The following PLD3 variants were observed in gnomAD, a reference collection of about 807,000 sequenced individuals.
The protein encoded by PLD3 is phospholipase D family member 3, also known as 5'-3' exonuclease PLD3.
PLD3 carries 31 observed loss-of-function variants against 58.4 expected under a neutral mutation model. That is an observed-to-expected ratio of 0.53 (90% CI 0.40 to 0.72). The LOEUF (loss-of-function observed/expected upper bound fraction) is 0.72. PLD3 is among the 30% of genes least tolerant of loss of function. PLD3 has a pLI of 0.00. For synonymous variants in PLD3, 264 were observed against 273.4 expected (o/e 0.97, Z 0.34); for missense variants, 595 against 659.8 (o/e 0.90, Z 1.08).
intron 5 of PLD3, 51 bp downstream of exon 5, chr19:40,366,966 A>G: frequency 6.5e-7 from 1 of 1,536,916 alleles, no homozygotes; most frequent in Non-Finnish European, 8.8e-7. Flanking sequence ...CAGACCAGGT[A>G]CACTTAAGCA....
At chr19:40,354,783 C>T (rs960524729) in intron 1 of PLD3, among the ~76,000 whole-genome samples, 1 of 151,558 alleles carries the variant, frequency 6.6e-6, no homozygotes, top group Non-Finnish European at 1.5e-5. Context: ...GCCTCAGCCT[C>T]CCAAAGTGCT....
intron 11 of PLD3, 49 bp downstream of exon 11, chr19:40,376,823 A>AG (rs1270312866): frequency 2.0e-6 from 3 of 1,538,042 alleles, no homozygotes; most frequent in Non-Finnish European, 2.6e-6. Context: ...GGGCAGTCCT[A>AG]GGGACACAGC....
Position 40,377,990 on chromosome 19 carries a change from C to G in PLD3, c.1290C>G (p.Thr430=), listed in dbSNP as rs199717679. The G allele has an allele frequency of 6.2e-7, 1 of 1,612,646 alleles. No individual in the cohort carries two copies. Among genetic ancestry groups the G allele is most frequent in the African/African-American group, 1.3e-5 (1 of 75,026 alleles). ...MVTERATYIG[T]SNWSGNYFTE... Reference sequence around the variant, plus strand: ...GCTCCACCCATTCCTCTCTAGGAACCTCCAACTGGTCTGGCAACTACTTCA... The same window carrying G: ...GCTCCACCCATTCCTCTCTAGGAACGTCCAACTGGTCTGGCAACTACTTCA... The change falls in exon 13 of 13, where the codon ACC becomes ACG. Residue 430 remains threonine (T), a synonymous_variant. Transcript: ENST00000409735.
chr19:40,371,478 G>A, intron 8 of PLD3, 195 bp from the exon 9 acceptor site: 1 of 587,060 alleles, frequency 1.7e-6, no homozygotes, highest in Non-Finnish European at 3.0e-6. Flanking sequence ...CAAACGTTCA[G>A]GAAACCTGGA....
rs1376057275 is a variant in PLD3 at position 40,376,645 on chromosome 19, C to T, written c.1056C>T (p.Ala352=). ...WPAIDDGLRR[A]TYERGVKVRL... Reference sequence around the variant, plus strand: ...CCATTGACGATGGGCTGCGGCGGGCCACCTACGAGCGTGGCGTCAAGGTGC... The same window carrying T: ...CCATTGACGATGGGCTGCGGCGGGCTACCTACGAGCGTGGCGTCAAGGTGC... The change falls in exon 11 of 13, where the codon GCC becomes GCT. Residue 352 remains alanine, a synonymous_variant. Coordinates refer to ENST00000409735, the MANE Select transcript of PLD3 (RefSeq NM_012268.4). 1.2e-6 allele frequency: 2 copies of T among 1,608,108 alleles called. No individual in the cohort carries two copies. Among genetic ancestry groups the T allele is most frequent in the East Asian group, 4.5e-5 (2 of 44,880 alleles).
intron 1 of PLD3, among the ~76,000 whole-genome samples, chr19:40,363,127 C>G (rs1056370755): frequency 2.0e-5 from 3 of 152,276 alleles, no homozygotes; most frequent in African/African-American, 7.2e-5. Flanking sequence ...GCTGCCAGCC[C>G]TGTTACTTCA....
chr19:40,351,262 G>A (rs1202639703), intron 1 of PLD3, among the ~76,000 whole-genome samples: 3 of 151,786 alleles, frequency 2.0e-5, no homozygotes, highest in South Asian at 2.1e-4. Flanking sequence ...ACAAAAAAAC[G>A]GCCAGGCGTA....
intron 9 of PLD3, among the ~76,000 whole-genome samples, chr19:40,374,103 T>G (rs1171502083): frequency 6.6e-6 from 1 of 150,914 alleles, no homozygotes; most frequent in Non-Finnish European, 1.5e-5. Flanking sequence ...ACCCCAGCAC[T>G]CTGATTCAGT....
intron 10 of PLD3, among the ~76,000 whole-genome samples, chr19:40,375,970 T>C (rs895072617): frequency 3.3e-5 from 5 of 152,056 alleles, no homozygotes; most frequent in African/African-American, 9.7e-5. Context: ...GGAGGATCAC[T>C]TGAGCCCAGG....
chr19:40,354,966 G>C (rs538030251), intron 1 of PLD3, among the ~76,000 whole-genome samples: 1 of 151,300 alleles, frequency 6.6e-6, no homozygotes, highest in Non-Finnish European at 1.5e-5. Flanking sequence ...GCCCCCTCAA[G>C]TAGCTGGGAC....
At chr19:40,353,825 G>A (rs1337824650) in intron 1 of PLD3, among the ~76,000 whole-genome samples, 3 of 151,938 alleles carry the variant, frequency 2.0e-5, no homozygotes, top group East Asian at 1.9e-4. Flanking sequence ...TGATCCGCCC[G>A]CCTTGGCCTC....
At chr19:40,353,927 C>T (rs1459752080) in intron 1 of PLD3, among the ~76,000 whole-genome samples, 1 of 151,918 alleles carries the variant, frequency 6.6e-6, no homozygotes, top group Non-Finnish European at 1.5e-5. Flanking sequence ...CAGGGTCTTG[C>T]TCTCTCACCC....
chr19:40,373,467 C>T (rs1248548451), intron 9 of PLD3, among the ~76,000 whole-genome samples: 2 of 151,686 alleles, frequency 1.3e-5, no homozygotes, highest in African/African-American at 2.4e-5. Context: ...ATCCCAGCTA[C>T]TCGGGAGGCT....
intron 1 of PLD3, chr19:40,356,212 G>A (rs970632809): frequency 2.0e-5 from 3 of 152,322 alleles, no homozygotes; most frequent in Admixed American, 6.6e-5. Context: ...TGGCTGGGGT[G>A]GGAAGAACGG....
chr19:40,374,833 T>A, intron 10 of PLD3: 1 of 576,002 alleles, frequency 1.7e-6, no homozygotes, highest in Non-Finnish European at 3.1e-6. Context: ...AGGGATGAGG[T>A]TTCAGGACAA....
At chr19:40,350,813 A>C (rs2078494672) in intron 1 of PLD3, among the ~76,000 whole-genome samples, 1 of 151,902 alleles carries the variant, frequency 6.6e-6, no homozygotes, top group Non-Finnish European at 1.5e-5. Context: ...GGCAATGGGT[A>C]AATAGGTAAG....
intron 11 of PLD3, among the ~76,000 whole-genome samples, 154 bp downstream of exon 11, chr19:40,376,928 AG>A (rs952782194): frequency 6.6e-5 from 10 of 151,454 alleles, no homozygotes; most frequent in African/African-American, 2.4e-4. Flanking sequence ...CATGGGGCAC[AG>A]GGAGAGGGGC....
chr19:40,361,940 A>C (rs1242880850), intron 1 of PLD3, among the ~76,000 whole-genome samples: 2 of 151,902 alleles, frequency 1.3e-5, no homozygotes, highest in Non-Finnish European at 2.9e-5. Context: ...TGGTTCAAGC[A>C]ATTCGCCCAC....
Position 40,364,563 on chromosome 19 carries a change from G to A in PLD3, c.-278-1155G>A, listed in dbSNP as rs777988822. On this transcript the variant is annotated intron_variant, in intron 1 of 12. Transcript: ENST00000409735. Reference sequence around the variant, plus strand: ...TCCCAGCACTTTTGGGGGCCTAGACGGGCGGATCACGAGGTCAGGAGATCG... The same window carrying A: ...TCCCAGCACTTTTGGGGGCCTAGACAGGCGGATCACGAGGTCAGGAGATCG... Among the ~76,000 whole-genome samples, 216 of 151,346 alleles carry A rather than the reference G, an allele frequency of 1.4e-3. 2 individuals carry two copies. Among genetic ancestry groups the A allele is most frequent in the Middle Eastern group, 3.4e-3 (1 of 290 alleles).
Sources: allele counts gnomAD v4.1 joint callset (sites outside exome capture counted in the v4.1 genomes callset), GRCh38; gene constraint gnomAD v4.1.1; transcripts MANE v1.5; gene names NCBI Gene and HGNC (gene_info 2026-07-23, HGNC 2026-07-21).